The following ADGRB3 variants were observed in gnomAD, a reference collection of about 807,000 sequenced individuals.
ADGRB3 encodes brain-specific angiogenesis inhibitor 3.
ADGRB3 carries 37 observed loss-of-function variants against 193.4 expected under a neutral mutation model. That is an observed-to-expected ratio of 0.19 (90% confidence interval 0.15 to 0.25). The LOEUF is 0.25. Ranked by LOEUF, ADGRB3 falls within the 10% of genes least tolerant of loss-of-function variation. ADGRB3 has a pLI of 1.00. For synonymous variants in ADGRB3, 690 were observed against 644.2 expected (o/e 1.07, Z -1.08); for missense variants, 1,637 against 1,852.9 (o/e 0.88, Z 2.14).
intron 20 of ADGRB3, among the ~76,000 whole-genome samples, chr6:69,314,704 T>A (rs1768275378): frequency 6.6e-6 from 1 of 151,524 alleles, no homozygotes; most frequent in Non-Finnish European, 1.5e-5. Flanking sequence ...AGTACTTGGG[T>A]CTATGAGAGA....
At chr6:68,934,826 C>A (rs542262950) in intron 4 of ADGRB3, among the ~76,000 whole-genome samples, 161 of 152,192 alleles carry the variant, frequency 1.1e-3, no homozygotes, top group African/African-American at 3.9e-3. Context: ...TGAAGCATGG[C>A]TTTAACTGTT....
chr6:68,859,131 T>A (rs1431666301), intron 3 of ADGRB3, among the ~76,000 whole-genome samples: 1 of 152,208 alleles, frequency 6.6e-6, no homozygotes, highest in Non-Finnish European at 1.5e-5. Context: ...AGTTCCAAGT[T>A]CCACAGATCT....
chr6:69,329,287 A>G (rs1768653993), intron 22 of ADGRB3, among the ~76,000 whole-genome samples: 1 of 152,176 alleles, frequency 6.6e-6, no homozygotes, highest in Admixed American at 6.6e-5. Context: ...TTATTTAAAA[A>G]TAGATATTAA....
At chr6:69,084,361 A>C (rs1383716981) in intron 17 of ADGRB3, among the ~76,000 whole-genome samples, 1 of 152,218 alleles carries the variant, frequency 6.6e-6, no homozygotes, top group African/African-American at 2.4e-5. Context: ...GTGTGTTAAA[A>C]CAAAACAAAG....
chr6:68,968,737 A>T (rs1440245155), intron 8 of ADGRB3, among the ~76,000 whole-genome samples: 2 of 152,192 alleles, frequency 1.3e-5, no homozygotes, highest in Non-Finnish European at 2.9e-5. Flanking sequence ...GTAATAACCT[A>T]TTCATGATGT....
rs151210752 is a variant in ADGRB3 at position 69,017,676 on chromosome 6, G to A, written c.1999-715G>A. Among the ~76,000 whole-genome samples, 412 of 151,910 alleles carry A rather than the reference G, an allele frequency of 2.7e-3. 1 individual carries two copies. Among genetic ancestry groups the A allele is most frequent in the African/African-American group, 9.8e-3 (405 of 41,492 alleles). On this transcript the variant is annotated intron_variant, in intron 12 of 31. Coordinates refer to ENST00000370598, the MANE Select transcript of ADGRB3 (RefSeq NM_001704.3). ...TAGATAAGTAGGTAGATGGATAGATGGATAGATGCATAGATGGACAGTTAG... is the reference window on the plus strand; with the variant it reads ...TAGATAAGTAGGTAGATGGATAGATAGATAGATGCATAGATGGACAGTTAG...
At chr6:69,160,538 T>A (rs1774955068) in intron 17 of ADGRB3, among the ~76,000 whole-genome samples, 4 of 152,160 alleles carry the variant, frequency 2.6e-5, no homozygotes, top group Admixed American at 2.6e-4. Context: ...AACCATTGCA[T>A]TTAATATAAT....
intron 17 of ADGRB3, chr6:69,232,269 ATT>A (rs5877202): frequency 0.025 from 10,351 of 412,040 alleles, 297 homozygotes; most frequent in African/African-American, 0.11. Context: ...GCTCTATAGC[ATT>A]TTTTTTTTTT....
rs149347324 is a variant in ADGRB3, at chr6:68,862,458, G to C, written c.758-68101G>C. Among the ~76,000 whole-genome samples, 609 of 152,264 alleles carry C rather than the reference G, an allele frequency of 4.0e-3. 2 individuals are homozygous for C. Among genetic ancestry groups the C allele is most frequent in the Non-Finnish European group, 7.5e-3 (510 of 68,024 alleles). On this transcript the variant is annotated intron_variant, in intron 3 of 31. Transcript: ENST00000370598. The stretch of plus-strand genomic sequence containing the variant: ...AGGAGGAAGTGCTTATGTACAGCAA[G>C]TGGTACAGACTCTTCACAAACATAC...
intron 3 of ADGRB3, among the ~76,000 whole-genome samples, chr6:68,703,906 A>G (rs1765284181): frequency 6.6e-6 from 1 of 152,206 alleles, no homozygotes; most frequent in Non-Finnish European, 1.5e-5. Flanking sequence ...TACAGGTGTG[A>G]GCCACTGTGC....
At chr6:69,220,646 C>T (rs545525673) in intron 17 of ADGRB3, among the ~76,000 whole-genome samples, 2 of 152,190 alleles carry the variant, frequency 1.3e-5, no homozygotes, top group East Asian at 3.9e-4. Flanking sequence ...AGGAGACACA[C>T]AGTTGAGATC....
At chr6:68,640,387 T>G (rs921413680) in intron 3 of ADGRB3, among the ~76,000 whole-genome samples, 3 of 152,198 alleles carry the variant, frequency 2.0e-5, no homozygotes, top group African/African-American at 7.2e-5. Flanking sequence ...GAGATTGTGA[T>G]TATGTTTAAT....
At chr6:69,105,757 G>C (rs560164503) in intron 17 of ADGRB3, among the ~76,000 whole-genome samples, 6 of 152,292 alleles carry the variant, frequency 3.9e-5, no homozygotes, top group African/African-American at 1.4e-4. Flanking sequence ...CATGCCCAAG[G>C]CTACAAAGCT....
At chr6:69,314,242 A>G (rs1437949838) in intron 20 of ADGRB3, among the ~76,000 whole-genome samples, 1 of 151,718 alleles carries the variant, frequency 6.6e-6, no homozygotes, top group Non-Finnish European at 1.5e-5. Flanking sequence ...TCTGTGGAAC[A>G]GATTTTTTTC....
At chr6:69,101,706 AGTGT>A in intron 17 of ADGRB3, among the ~76,000 whole-genome samples, 1 of 140,450 alleles carries the variant, frequency 7.1e-6, no homozygotes, top group African/African-American at 2.6e-5. Flanking sequence ...TGTGTGTGTG[AGTGT>A]GTGTGTGTGT....
rs1232046792 is a variant in ADGRB3, at chr6:68,993,934, G to C, written c.1901G>C (p.Ser634Thr). Residue 634 changes from serine to threonine, a missense_variant, in exon 11 of 32, where the codon AGT (serine) becomes ACT (threonine). Coordinates refer to ENST00000370598, the MANE Select transcript of ADGRB3 (RefSeq NM_001704.3). ...GTGACAGACACATTTAAAAGGGCAA[G>C]TTACATCCCTGCATCTGATGGTGTC... ...RNVTDTFKRA[S>T]YIPASDGVQN... 5 of 1,613,664 alleles carry C rather than the reference G, an allele frequency of 3.1e-6. No homozygotes were observed. The highest frequency in any genetic ancestry group is 1.3e-5 in the African/African-American group (1 of 74,888).
intron 13 of ADGRB3, among the ~76,000 whole-genome samples, chr6:69,035,579 T>G (rs971372532): frequency 6.6e-6 from 1 of 152,134 alleles, no homozygotes; most frequent in Admixed American, 6.6e-5. Flanking sequence ...AAAGGATTTC[T>G]TATTTTATAC....
At chr6:68,710,178 T>C (rs1765386126) in intron 3 of ADGRB3, among the ~76,000 whole-genome samples, 1 of 152,168 alleles carries the variant, frequency 6.6e-6, no homozygotes, top group Admixed American at 6.6e-5. Flanking sequence ...GATAATGCTT[T>C]TGTAGAAAAG....
rs869192266 is a variant in ADGRB3 at position 69,006,501 on chromosome 6, CT to C, written c.1930-7526del. 4.6e-3 allele frequency among the ~76,000 whole-genome samples: 662 copies of C among 142,592 alleles called. 2 individuals are homozygous for C. The highest frequency in any genetic ancestry group is 0.026 in the Middle Eastern group (7 of 268). The allele number at this position is 142,592 out of a possible 152,430, so 93.5% of individuals were successfully genotyped here. A position where few individuals can be genotyped will look rare whatever the true frequency, so the allele number is the denominator to read the frequency against. ...TGGATTAATCTCAGCAGTGGAGAGT[CT>C]TTTTTTTTTTCTTTTTTTTTTAAGA... On this transcript the variant is annotated intron_variant, in intron 11 of 31. Coordinates refer to ENST00000370598, the MANE Select transcript of ADGRB3 (RefSeq NM_001704.3).
Sources: gnomAD v4.1 joint callset for allele counts (sites outside exome capture counted in the v4.1 genomes callset) on GRCh38, gnomAD v4.1.1 for gene constraint, MANE v1.5 for transcripts, NCBI Gene and HGNC (gene_info 2026-07-23, HGNC 2026-07-21) for gene names.